Variants in SETX observed in about 807,000 individuals in gnomAD.
SETX encodes the protein senataxin.
In SETX, 90 loss-of-function variants were observed where a neutral mutation model predicts 227.2. The ratio of observed to expected loss-of-function variants is 0.40; its 90% confidence interval spans 0.33 to 0.47. The LOEUF (loss-of-function observed/expected upper bound fraction) is 0.47. SETX is among the 20% of genes least tolerant of loss of function. The probability of loss-of-function intolerance (pLI) is 0.91; values close to 1 mark genes in which losing one functional copy is unlikely to be tolerated. For missense variants in SETX, 3,052 were observed against 3,181.5 expected, an observed-to-expected ratio of 0.96 and a Z score of 0.98; for synonymous variants, 1,210 against 1,113.2, an observed-to-expected ratio of 1.09 and a Z score of -1.73.
At chr9:132,274,679 C>A (rs1360751932) in intron 23 of SETX, among the ~76,000 whole-genome samples, 1 of 152,014 alleles carries the variant, frequency 6.6e-6, no homozygotes, top group Non-Finnish European at 1.5e-5. Flanking sequence ...CTCCTGACCT[C>A]AGGTGATCTG....
chr9:132,262,079 C>T lies in SETX; in HGVS notation c.*2160G>A, dbSNP rs937732052. On this transcript the variant is annotated 3_prime_UTR_variant, in exon 26 of 26. Coordinates refer to ENST00000224140, the MANE Select transcript of SETX (RefSeq NM_015046.7). ...TCCGCTGTGAAAGGCCGTCACAGGA[C>T]ACAGGCTCGTCTGTTAGAAAGGATG... is the stretch of plus-strand genomic sequence containing the variant. 1 of 152,294 alleles carries T rather than the reference C, an allele frequency of 6.6e-6. No homozygotes were observed. Among genetic ancestry groups the T allele is most frequent in the Non-Finnish European group, 1.5e-5 (1 of 68,048 alleles). 9.4% of individuals were successfully genotyped at this position (152,294 alleles called of 1,614,324 possible).
At chr9:132,275,142 G>GT in intron 23 of SETX, 114 bp downstream of exon 23, 1 of 1,136,400 alleles carries the variant, frequency 8.8e-7, no homozygotes. Flanking sequence ...TCCTCGTGCC[G>GT]TATCACCAAT....
rs995228812 is a variant in SETX at position 132,263,396 on chromosome 9, G to A, written c.*843C>T. The A allele has an allele frequency of 6.6e-6, 1 of 152,196 alleles. No homozygotes were observed. The highest frequency in any genetic ancestry group is 1.5e-5 in the Non-Finnish European group (1 of 68,042). 9.4% of individuals were successfully genotyped at this position (152,196 alleles called of 1,614,324 possible). On this transcript the variant is annotated 3_prime_UTR_variant, in exon 26 of 26. Transcript: ENST00000224140. Reference sequence around the variant, plus strand: ...CTAATCTAGCATTTGGCAACCAAATGTCTGTACCTCACCAGTCACACAAGG... The same window carrying A: ...CTAATCTAGCATTTGGCAACCAAATATCTGTACCTCACCAGTCACACAAGG...
intron 10 of SETX, among the ~76,000 whole-genome samples, chr9:132,326,099 A>C (rs1846733340): frequency 6.6e-6 from 1 of 151,740 alleles, no homozygotes; most frequent in South Asian, 2.1e-4. Context: ...ACAGAGTCTC[A>C]CTCTGCCGCC....
At position 132,264,398 on chromosome 9, in the gene SETX, C is replaced by A. The variant is rs536241867; in HGVS notation, c.7875G>T (p.Pro2625=). The A allele has an allele frequency of 3.7e-6, 6 of 1,613,982 alleles. No individual in the cohort carries two copies. The African/African-American group carries it at 4.0e-5, about 11-fold the overall frequency. ...CTCTCCTGTGACAGAGCTCCTCTTC[C>A]GGGTCATCACATTTGCTCTGACACG... is the stretch of plus-strand genomic sequence containing the variant. The part of the protein sequence containing the change: ...ASTCQSKCDD[P]EEELCHRREA... Residue 2625 remains proline, a synonymous_variant, in exon 26 of 26, where the codon CCG becomes CCT. Transcript: ENST00000224140.
In SETX at chr9:132,327,404, A is replaced by G. The variant is rs781366190; in HGVS notation, c.4194T>C (p.Cys1398=). 3 of 1,614,202 alleles carry G rather than the reference A, an allele frequency of 1.9e-6. No homozygotes were observed. The highest frequency in any genetic ancestry group is 8.5e-7 in the Non-Finnish European group (1 of 1,180,018). ...TGGCAAGTACCTCAGTTCCTCCTGT[A>G]CAATTATAATCTGACCTATCAGATT... ...VPESDRSDYN[C]TGGTEVLANS... The change falls in exon 10 of 26, where the codon TGT becomes TGC. Residue 1398 remains cysteine, a synonymous_variant. Transcript: ENST00000224140.
chr9:132,277,332 T>C (rs1044992517), intron 21 of SETX, among the ~76,000 whole-genome samples, 180 bp from the exon 22 acceptor site: 8 of 152,232 alleles, frequency 5.3e-5, no homozygotes, highest in African/African-American at 1.4e-4. Flanking sequence ...ATTTCTTTCC[T>C]GGTGCTGGGA....
chr9:132,350,174 G>A (rs1392102063), intron 2 of SETX, among the ~76,000 whole-genome samples: 1 of 152,156 alleles, frequency 6.6e-6, no homozygotes, highest in Non-Finnish European at 1.5e-5. Context: ...CCAACATGGT[G>A]AAACCCCATC....
Position 132,327,973 on chromosome 9 carries a change from T to C in SETX, c.3625A>G (p.Asn1209Asp), listed in dbSNP as rs1846946606. 6.2e-6 allele frequency: 10 copies of C among 1,613,974 alleles called. No individual in the cohort carries two copies. Among genetic ancestry groups the C allele is most frequent in the Non-Finnish European group, 8.5e-6 (10 of 1,179,978 alleles). Reference sequence around the variant, plus strand: ...GTAGTGGCTCTCTGAATACGTGAATTGGGAGTTGAAGTCCTTCTATCAATA... The same window carrying C: ...GTAGTGGCTCTCTGAATACGTGAATCGGGAGTTGAAGTCCTTCTATCAATA... Reference protein sequence around the residue: ...KSIDRRTSTPNSRIQRATTVS... With the variant: ...KSIDRRTSTPDSRIQRATTVS... The change falls in exon 10 of 26, where the codon AAT becomes GAT. Residue 1209 changes from asparagine (N) to aspartate (D), a missense_variant. Physicochemically the swap from Asn to Asp is conservative, Grantham distance 23 (BLOSUM62 1). Around this residue, in one of 10 missense-constraint regions of SETX, gnomAD observed 1,483 missense variants for 1,312.0 expected, o/e 1.13. Transcript: ENST00000224140.
intron 14 of SETX, 105 bp downstream of exon 14, chr9:132,296,782 T>A: frequency 9.5e-7 from 1 of 1,054,814 alleles, no homozygotes; most frequent in Non-Finnish European, 1.5e-6. Context: ...TATATACAAA[T>A]CAAAGAGGAA....
chr9:132,298,810 C>T (rs1844824545), intron 12 of SETX, among the ~76,000 whole-genome samples: 1 of 152,162 alleles, frequency 6.6e-6, no homozygotes, highest in Admixed American at 6.5e-5. Context: ...CTTAGCGACT[C>T]AGAGTAAAAC....
At chr9:132,301,232 G>A (rs78196329) in intron 11 of SETX, among the ~76,000 whole-genome samples, 16 of 151,468 alleles carry the variant, frequency 1.1e-4, no homozygotes, top group South Asian at 4.2e-4. Context: ...AGCTGGAGGC[G>A]CCCGCCACCA....
At chr9:132,299,594 G>T (rs1844867023) in intron 12 of SETX, among the ~76,000 whole-genome samples, 1 of 152,158 alleles carries the variant, frequency 6.6e-6, no homozygotes, top group Non-Finnish European at 1.5e-5. Flanking sequence ...AAGGAATAAT[G>T]AAATAATGTT....
chr9:132,327,235 C>T lies in SETX; in HGVS notation c.4363G>A (p.Glu1455Lys). 6.2e-7 allele frequency: 1 copy of T among 1,614,156 alleles called. No homozygotes were observed. The highest frequency in any genetic ancestry group is 8.5e-7 in the Non-Finnish European group (1 of 1,180,030). Residue 1455 changes from glutamate to lysine, a missense_variant, in exon 10 of 26, where the codon GAA becomes AAA. Glu to Lys is a moderately conservative substitution (Grantham distance 56). Transcript: ENST00000224140. ...TCTTCTGAAGTGGAGACAATTACTTCATTTGTTGGTACTGTTCCATTTAAC... is the reference window on the plus strand; with the variant it reads ...TCTTCTGAAGTGGAGACAATTACTTTATTTGTTGGTACTGTTCCATTTAAC... ...VVLNGTVPTN[E>K]VIVSTSEDPL... is the part of the protein sequence containing the mutation.
intron 10 of SETX, among the ~76,000 whole-genome samples, chr9:132,320,593 C>CAAAAAAAA (rs141457619): frequency 3.3e-5 from 2 of 61,066 alleles, no homozygotes; most frequent in Admixed American, 2.4e-4. Context: ...GACTCCAACT[C>CAAAAAAAA]AAAAAAAAAA....
chr9:132,339,212 G>A (rs1847822273), intron 5 of SETX, among the ~76,000 whole-genome samples: 1 of 152,120 alleles, frequency 6.6e-6, no homozygotes, highest in African/African-American at 2.4e-5. Flanking sequence ...GGCCAGGCAT[G>A]GTGGCTCATG....
At chr9:132,307,512 G>A (rs1186177135) in intron 11 of SETX, among the ~76,000 whole-genome samples, 2 of 151,866 alleles carry the variant, frequency 1.3e-5, no homozygotes, top group Non-Finnish European at 2.9e-5. Flanking sequence ...GCTCAGTTAT[G>A]GGATAAAAAC....
Position 132,326,316 on chromosome 9 carries a change from A to G in SETX, c.5274+8T>C, listed in dbSNP as rs369501754. ...TTGGAGAGGCATACAAATGAAACAC[A>G]TACTTACTGTTTCAAAAGTATTCAA... On this transcript the variant is annotated splice_region_variant and intron_variant, in intron 10 of 25. Coordinates refer to ENST00000224140, the MANE Select transcript of SETX (RefSeq NM_015046.7). The G allele has an allele frequency of 3.0e-5, 47 of 1,567,884 alleles. No homozygotes were observed. In the Admixed American group the frequency reaches 5.3e-4, roughly 18 times the overall value.
At chr9:132,330,758 A>G (rs1051212870) in intron 9 of SETX, among the ~76,000 whole-genome samples, 4 of 152,158 alleles carry the variant, frequency 2.6e-5, no homozygotes, top group African/African-American at 9.7e-5. Flanking sequence ...ATGTACTCTC[A>G]CCTTCTGTCC....
Sources: allele counts gnomAD v4.1 joint callset (sites outside exome capture counted in the v4.1 genomes callset), GRCh38; gene constraint gnomAD v4.1.1; regional missense constraint gnomAD v4.1.1; transcripts MANE v1.5; gene names NCBI Gene and HGNC (gene_info 2026-07-23, HGNC 2026-07-21).